Variants in PTPRN2 observed in about 807,000 individuals in gnomAD.
The protein encoded by PTPRN2 is protein tyrosine phosphatase receptor type N2.
In PTPRN2, 74 loss-of-function variants were observed where a neutral mutation model predicts 118.8. The observed-to-expected ratio is 0.62, with a 90% CI of 0.52 to 0.76. The LOEUF (loss-of-function observed/expected upper bound fraction) is 0.76. Ranked by LOEUF, PTPRN2 falls within the 30% of genes least tolerant of loss-of-function variation. The pLI is 0.00. For synonymous variants in PTPRN2, 641 were observed against 608.0 expected, an observed-to-expected ratio of 1.05 and a Z score of -0.80; for missense variants, 1,481 against 1,394.4, an observed-to-expected ratio of 1.06 and a Z score of -0.99.
Position 158,210,354 on chromosome 7 carries a change from C to T in PTPRN2, c.278-5081G>A, listed in dbSNP as rs113535125. Among the ~76,000 whole-genome samples, 1,379 of 151,930 alleles carry T rather than the reference C, an allele frequency of 9.1e-3. 24 individuals carry two copies. The highest frequency in any genetic ancestry group is 0.027 in the African/African-American group (1,121 of 41,470). On this transcript the variant is annotated intron_variant, in intron 3 of 22. Transcript: ENST00000389418. ...GTTTCACCGTGTTAGCCAGGATGGT[C>T]TCGATCTCCTGACCTCGTGATCCGC...
intron 1 of PTPRN2, among the ~76,000 whole-genome samples, chr7:158,583,963 C>T (rs567692173): frequency 3.3e-5 from 5 of 152,328 alleles, no homozygotes; most frequent in East Asian, 1.9e-4. Context: ...TAAACAATCA[C>T]GCCATCTCCT....
chr7:158,038,491 A>T (rs1175541965), intron 11 of PTPRN2, among the ~76,000 whole-genome samples: 1 of 152,100 alleles, frequency 6.6e-6, no homozygotes, highest in Non-Finnish European at 1.5e-5. Context: ...AAACCCAAAG[A>T]CTTCAAATGG....
chr7:157,664,334 G>A lies in PTPRN2; in HGVS notation c.2002-7783C>T, dbSNP rs529451411. ...GAACTGCCATCAGACGAGAGCAGCC[G>A]CTGCCCGTATCACCTGCGTTCATTA... On this transcript the variant is annotated intron_variant, in intron 13 of 22. Coordinates refer to ENST00000389418, the MANE Select transcript of PTPRN2 (RefSeq NM_002847.5). Among the ~76,000 whole-genome samples the A allele has an allele frequency of 7.9e-5, 12 of 152,326 alleles. No homozygotes were observed. In the South Asian group the frequency reaches 1.0e-3, roughly 13 times the overall value.
At chr7:157,652,762 C>T (rs1309099911) in intron 14 of PTPRN2, among the ~76,000 whole-genome samples, 2 of 152,258 alleles carry the variant, frequency 1.3e-5, no homozygotes, top group African/African-American at 2.4e-5. Flanking sequence ...CAGGCACCTG[C>T]CGCCTCCTGT....
chr7:157,946,804 C>T (rs181352946), intron 11 of PTPRN2, among the ~76,000 whole-genome samples: 39 of 152,312 alleles, frequency 2.6e-4, no homozygotes, highest in African/African-American at 9.1e-4. Context: ...GAGAACGGGA[C>T]AGTAAGCCTG....
rs572284605 is a variant in PTPRN2, at chr7:157,621,634, G to T, written c.2197-125C>A. The stretch of plus-strand genomic sequence containing the variant: ...CATGCCCACCTTGCTCACGAGCCTG[G>T]GCCATGGTGCGACGTTGTGCTACGG... On this transcript the variant is annotated intron_variant, in intron 14 of 22. Coordinates refer to ENST00000389418, the MANE Select transcript of PTPRN2 (RefSeq NM_002847.5). 22 of 1,252,218 alleles carry T rather than the reference G, an allele frequency of 1.8e-5. 1 individual carries two copies. The South Asian group carries it at 2.5e-4, about 14-fold the overall frequency. The allele number at this position is 1,252,218 out of a possible 1,614,324, so 77.6% of individuals were successfully genotyped here.
intron 17 of PTPRN2, among the ~76,000 whole-genome samples, chr7:157,584,130 A>G (rs541288722): frequency 2.0e-5 from 3 of 152,186 alleles, no homozygotes; most frequent in Non-Finnish European, 4.4e-5. Flanking sequence ...GTGAGATCCC[A>G]TCTCTGAAAA....
intron 2 of PTPRN2, among the ~76,000 whole-genome samples, chr7:158,386,562 T>C (rs1010680633): frequency 6.6e-6 from 1 of 152,066 alleles, no homozygotes; most frequent in African/African-American, 2.4e-5. Flanking sequence ...TATGGATGGG[T>C]GCAGGAGATG....
chr7:158,150,182 G>C (rs117040038), intron 6 of PTPRN2, among the ~76,000 whole-genome samples: 1,689 of 152,320 alleles, frequency 0.011, 14 homozygotes, highest in Non-Finnish European at 0.016. Flanking sequence ...AAGCGGGGCA[G>C]TGTGTGTGAG....
chr7:157,943,146 C>T (rs897740155), intron 11 of PTPRN2, among the ~76,000 whole-genome samples: 9 of 152,178 alleles, frequency 5.9e-5, no homozygotes, highest in Non-Finnish European at 1.3e-4. Context: ...AGGAGGAGTT[C>T]TCGAGACCCA....
In PTPRN2 at chr7:157,953,640, A is replaced by T. The variant is rs148928885; in HGVS notation, c.1724-54903T>A. 6.6e-6 allele frequency among the ~76,000 whole-genome samples: 1 copy of T among 152,080 alleles called. No homozygotes were observed. Among genetic ancestry groups the T allele is most frequent in the East Asian group, 1.9e-4 (1 of 5,162 alleles). On this transcript the variant is annotated intron_variant, in intron 11 of 22. Transcript: ENST00000389418. This position sits in a 1 kb window ranked among gnomAD's most constrained non-coding sequence, Gnocchi z 4.6. The stretch of plus-strand genomic sequence containing the variant: ...TGCTTGGACACTCTCTGGACAGGAG[A>T]CACCTCACCCCTCACAGACATCTCA...
At chr7:158,270,090 G>A (rs1300975630) in intron 3 of PTPRN2, among the ~76,000 whole-genome samples, 1 of 152,220 alleles carries the variant, frequency 6.6e-6, no homozygotes, top group Admixed American at 6.5e-5. Context: ...TTTGCAGGAG[G>A]GGCTGCTCAC....
intron 3 of PTPRN2, among the ~76,000 whole-genome samples, chr7:158,303,434 G>T (rs896771): frequency 0.92 from 140,740 of 152,282 alleles, 65,160 homozygotes; most frequent in Middle Eastern, 0.97. Flanking sequence ...TAAAACTACT[G>T]TTAAAATTTT....
At chr7:157,790,572 C>T (rs564977805) in intron 12 of PTPRN2, among the ~76,000 whole-genome samples, 4 of 151,990 alleles carry the variant, frequency 2.6e-5, no homozygotes, top group Non-Finnish European at 5.9e-5. Flanking sequence ...CCCGTGGGTA[C>T]AGAAAAAATC....
Position 158,167,217 on chromosome 7 carries a change from G to C in PTPRN2, c.624C>G (p.Ser208=), listed in dbSNP as rs1254057081. 1.2e-6 allele frequency: 2 copies of C among 1,613,516 alleles called. No individual in the cohort carries two copies. The highest frequency in any genetic ancestry group is 1.7e-6 in the Non-Finnish European group (2 of 1,179,918). The change falls in exon 6 of 23, where the codon TCC becomes TCG. Residue 208 remains serine, a synonymous_variant. Transcript: ENST00000389418. ...GGAGGTCCTCGCGGAGCTGGGTCCG[G>C]GACCCGGGAGGGTAGGTCAGCGCAG... The part of the protein sequence containing the change: ...HTSALTYPPG[S]RTQLREDLLP...
intron 12 of PTPRN2, among the ~76,000 whole-genome samples, chr7:157,694,891 T>C (rs1255537550): frequency 6.6e-6 from 1 of 152,190 alleles, no homozygotes; most frequent in Non-Finnish European, 1.5e-5. Flanking sequence ...AGAGACATGT[T>C]GATTGAAATC....
chr7:157,826,266 C>G (rs1464721562), intron 12 of PTPRN2, among the ~76,000 whole-genome samples: 227 of 75,550 alleles, frequency 3.0e-3, no homozygotes, highest in Non-Finnish European at 5.0e-3. Flanking sequence ...GACGGCAGCA[C>G]GAACACGATC....
chr7:158,180,518 T>C (rs1824608587), intron 5 of PTPRN2, among the ~76,000 whole-genome samples: 1 of 152,318 alleles, frequency 6.6e-6, no homozygotes, highest in East Asian at 1.9e-4. Context: ...TCATTAAATC[T>C]GTAGATTGCT....
Position 157,780,531 on chromosome 7 carries a change from C to A in PTPRN2, c.1789-97594G>T, listed in dbSNP as rs1474365617. 6.6e-6 allele frequency among the ~76,000 whole-genome samples: 1 copy of A among 152,208 alleles called. No individual in the cohort carries two copies. The highest frequency in any genetic ancestry group is 1.5e-5 in the Non-Finnish European group (1 of 68,040). On this transcript the variant is annotated intron_variant, in intron 12 of 22. Coordinates refer to ENST00000389418, the MANE Select transcript of PTPRN2 (RefSeq NM_002847.5). The surrounding 1 kb of genome is among the most constrained non-coding windows in gnomAD (Gnocchi z 4.5). ...CAGCTCGACATGGTGCAGACCGTGG[C>A]AGCCAAGTCAGGCATACAGCAGCCC...
Sources: allele counts gnomAD v4.1 joint callset (sites outside exome capture counted in the v4.1 genomes callset), GRCh38; gene constraint gnomAD v4.1.1; non-coding constraint Gnocchi (gnomAD v3.1); transcripts MANE v1.5; gene names NCBI Gene and HGNC (gene_info 2026-07-23, HGNC 2026-07-21).